The following GRIK2 variants were observed in gnomAD, a reference collection of about 807,000 sequenced individuals.
GRIK2 encodes glutamate ionotropic receptor kainate type subunit 2.
GRIK2 carries 32 observed loss-of-function variants against 100.3 expected under a neutral mutation model. The ratio of observed to expected loss-of-function variants is 0.32; its 90% confidence interval spans 0.24 to 0.43. The LOEUF (loss-of-function observed/expected upper bound fraction) is 0.43. Among genes scored for constraint, GRIK2 ranks in the 20% least tolerant of loss-of-function variants. The pLI is 1.00. For missense variants in GRIK2, 843 were observed against 1,114.9 expected (o/e 0.76, Z 3.47); for synonymous variants, 417 against 389.4 (o/e 1.07, Z -0.83).
chr6:102,029,253 A>G (rs1012641088), intron 14 of GRIK2, among the ~76,000 whole-genome samples: 1 of 151,180 alleles, frequency 6.6e-6, no homozygotes, highest in African/African-American at 2.4e-5. Context: ...AATGATCAGT[A>G]TCTACTTCAC....
At position 101,985,142 on chromosome 6, in the gene GRIK2, G is replaced by A. The variant is rs1163133438; in HGVS notation, c.2086-50199G>A. The stretch of plus-strand genomic sequence containing the variant: ...GACAATCAGTAGTGGTAGAATTGAA[G>A]TAAATTTAAAACTTCATACCATTCC... On this transcript the variant is annotated intron_variant, in intron 14 of 16. Coordinates refer to ENST00000369134, the MANE Select transcript of GRIK2 (RefSeq NM_021956.5). 4.0e-5 allele frequency among the ~76,000 whole-genome samples: 6 copies of A among 151,658 alleles called. No homozygotes were observed. In the East Asian group the frequency reaches 1.2e-3, roughly 30 times the overall value.
At chr6:101,495,581 T>C (rs1773401881) in intron 2 of GRIK2, among the ~76,000 whole-genome samples, 1 of 152,176 alleles carries the variant, frequency 6.6e-6, no homozygotes, top group Non-Finnish European at 1.5e-5. Flanking sequence ...ATGCAAAGTT[T>C]GTTGACTTCC....
chr6:102,038,514 T>TATCA (rs1770396479), intron 15 of GRIK2, among the ~76,000 whole-genome samples: 1 of 151,480 alleles, frequency 6.6e-6, no homozygotes, highest in Non-Finnish European at 1.5e-5. Flanking sequence ...TTTCAGCCAC[T>TATCA]ATCATAATCT....
At chr6:101,882,629 C>T (rs1786334758) in intron 11 of GRIK2, among the ~76,000 whole-genome samples, 1 of 151,894 alleles carries the variant, frequency 6.6e-6, no homozygotes, top group Non-Finnish European at 1.5e-5. Context: ...TTTTATAACT[C>T]AATTGCCCAC....
At chr6:101,790,375 C>G (rs1436326778) in intron 7 of GRIK2, among the ~76,000 whole-genome samples, 1 of 152,100 alleles carries the variant, frequency 6.6e-6, no homozygotes, top group African/African-American at 2.4e-5. Context: ...TTTTGAGATA[C>G]GTCACATCAA....
At chr6:101,429,658 G>GAA (rs369496478) in intron 2 of GRIK2, among the ~76,000 whole-genome samples, 26 of 151,966 alleles carry the variant, frequency 1.7e-4, no homozygotes, top group African/African-American at 6.3e-4. Flanking sequence ...CAGACTTCCT[G>GAA]AAAAAAATGG....
intron 7 of GRIK2, among the ~76,000 whole-genome samples, chr6:101,769,357 C>T (rs1341174712): frequency 6.6e-6 from 1 of 152,004 alleles, no homozygotes; most frequent in African/African-American, 2.4e-5. Context: ...AAAGAAAAGA[C>T]ACTAAAGGAT....
intron 15 of GRIK2, among the ~76,000 whole-genome samples, chr6:102,050,108 T>G (rs972119985): frequency 1.3e-5 from 2 of 152,074 alleles, no homozygotes; most frequent in African/African-American, 4.8e-5. Flanking sequence ...CATGTAAAAT[T>G]GAGAGTTTGT....
At chr6:101,448,558 T>C (rs931570089) in intron 2 of GRIK2, among the ~76,000 whole-genome samples, 2 of 151,646 alleles carry the variant, frequency 1.3e-5, no homozygotes, top group South Asian at 2.1e-4. Flanking sequence ...AAAATTTATA[T>C]ATTAATGAAA....
At chr6:101,910,836 A>AAGC (rs1562482001) in intron 12 of GRIK2, among the ~76,000 whole-genome samples, 19 of 59,920 alleles carry the variant, frequency 3.2e-4, no homozygotes, top group African/African-American at 1.3e-3. Flanking sequence ...ATACCAACAT[A>AAGC]CACCACACAC....
intron 2 of GRIK2, among the ~76,000 whole-genome samples, chr6:101,404,774 A>T: frequency 6.6e-6 from 1 of 152,210 alleles, no homozygotes; most frequent in East Asian, 1.9e-4. Context: ...CAGTTATCAA[A>T]GTGTTAGAAG....
At chr6:101,761,391 G>A (rs2128391512) in intron 7 of GRIK2, among the ~76,000 whole-genome samples, 1 of 152,046 alleles carries the variant, frequency 6.6e-6, no homozygotes, top group Non-Finnish European at 1.5e-5. Context: ...AGTTAATACA[G>A]GTTCCCCTAA....
intron 2 of GRIK2, among the ~76,000 whole-genome samples, chr6:101,459,065 T>A (rs1392243862): frequency 6.6e-6 from 1 of 151,102 alleles, no homozygotes; most frequent in African/African-American, 2.4e-5. Context: ...GCTTTCTGCT[T>A]CTGTGTTATT....
At chr6:101,608,827 G>GTA (rs1290112078) in intron 2 of GRIK2, among the ~76,000 whole-genome samples, 63 of 72,112 alleles carry the variant, frequency 8.7e-4, no homozygotes, top group African/African-American at 3.2e-3. Context: ...GTATGTATGT[G>GTA]TGTGTGTGTC....
chr6:101,941,735 G>T, intron 14 of GRIK2, among the ~76,000 whole-genome samples: 1 of 152,042 alleles, frequency 6.6e-6, no homozygotes, highest in East Asian at 1.9e-4. Flanking sequence ...AAGAAATATT[G>T]TAAATAAGCA....
chr6:101,758,335 C>G (rs1190417555), intron 7 of GRIK2, among the ~76,000 whole-genome samples: 4 of 152,064 alleles, frequency 2.6e-5, no homozygotes, highest in African/African-American at 4.8e-5. Flanking sequence ...TATTTCAGTA[C>G]TTATCTTGCT....
intron 2 of GRIK2, among the ~76,000 whole-genome samples, chr6:101,560,444 G>A (rs905923715): frequency 1.3e-4 from 20 of 151,860 alleles, no homozygotes; most frequent in South Asian, 2.1e-4. Flanking sequence ...GTTAAAGATC[G>A]TGTATTATTG....
intron 11 of GRIK2, among the ~76,000 whole-genome samples, chr6:101,869,122 C>T (rs907272380): frequency 6.6e-6 from 1 of 151,780 alleles, no homozygotes; most frequent in Non-Finnish European, 1.5e-5. Flanking sequence ...AATTGAAGCA[C>T]GTATTCTACC....
intron 14 of GRIK2, among the ~76,000 whole-genome samples, chr6:101,965,359 A>G (rs1476068320): frequency 6.6e-6 from 1 of 152,108 alleles, no homozygotes; most frequent in African/African-American, 2.4e-5. Flanking sequence ...AAGCTATCCA[A>G]TACAATTTAG....
Sources: gnomAD v4.1 joint callset for allele counts (sites outside exome capture counted in the v4.1 genomes callset) on GRCh38, gnomAD v4.1.1 for gene constraint, MANE v1.5 for transcripts, NCBI Gene and HGNC (gene_info 2026-07-23, HGNC 2026-07-21) for gene names.